Variants in TBC1D15 observed in about 807,000 individuals in gnomAD.
The protein encoded by TBC1D15 is GAP for RAB7.
TBC1D15 carries 39 observed loss-of-function variants against 95.4 expected under a neutral mutation model. The ratio of observed to expected loss-of-function variants is 0.41; its 90% confidence interval spans 0.32 to 0.53. The LOEUF (loss-of-function observed/expected upper bound fraction) is 0.53. Among genes scored for constraint, TBC1D15 ranks in the 20% least tolerant of loss-of-function variants. The probability of loss-of-function intolerance (pLI) is 0.29; values close to 1 mark genes in which losing one functional copy is unlikely to be tolerated. For synonymous variants in TBC1D15, 258 were observed against 261.3 expected (o/e 0.99, Z 0.12); for missense variants, 733 against 794.3 (o/e 0.92, Z 0.93).
At chr12:71,897,672 CTTT>C (rs1442926760) in intron 9 of TBC1D15, among the ~76,000 whole-genome samples, 172 bp from the exon 10 acceptor site, 2 of 151,756 alleles carry the variant, frequency 1.3e-5, no homozygotes, top group Non-Finnish European at 3.0e-5. Context: ...TTATTTTTTT[CTTT>C]TGTTTTCACT....
intron 1 of TBC1D15, among the ~76,000 whole-genome samples, chr12:71,852,973 A>G (rs1468684102): frequency 6.6e-6 from 1 of 152,204 alleles, no homozygotes; most frequent in African/African-American, 2.4e-5. Context: ...AGGTGTTTTT[A>G]TAGCAATGCC....
chr12:71,844,882 T>G (rs994943417), intron 1 of TBC1D15, among the ~76,000 whole-genome samples: 1 of 152,230 alleles, frequency 6.6e-6, no homozygotes, highest in African/African-American at 2.4e-5. Flanking sequence ...GTGTGTGTTT[T>G]TGCCACTGAC....
rs550327882 is a variant in TBC1D15 at position 71,879,885 on chromosome 12, T to C, written c.205-584T>C. Among the ~76,000 whole-genome samples the C allele has an allele frequency of 7.9e-5, 12 of 152,354 alleles. No homozygotes were observed. The South Asian group carries it at 1.0e-3, about 13-fold the overall frequency. ...ATCTTTAGCTAATATATGGTGTCTT[T>C]TGTTGTATAGAAATTAAATTTTTGA... is the stretch of plus-strand genomic sequence containing the variant. On this transcript the variant is annotated intron_variant, in intron 3 of 16. Transcript: ENST00000485960.
At chr12:71,893,120 G>GTT (rs77560730) in intron 5 of TBC1D15, 102 bp from the exon 6 acceptor site, 29,507 of 456,096 alleles carry the variant, frequency 0.065, 1,026 homozygotes, top group African/African-American at 0.15. Context: ...AATATTTTGG[G>GTT]TTTTTTTTTT....
At chr12:71,887,920 TTA>T in intron 5 of TBC1D15, among the ~76,000 whole-genome samples, 1 of 152,350 alleles carries the variant, frequency 6.6e-6, no homozygotes, top group Non-Finnish European at 1.5e-5. Context: ...GGCATGATGA[TTA>T]TCAATTTGAC....
chr12:71,871,297 G>A (rs1028820921), intron 1 of TBC1D15, among the ~76,000 whole-genome samples: 1 of 152,046 alleles, frequency 6.6e-6, no homozygotes, highest in African/African-American at 2.4e-5. Context: ...TTAATATTGT[G>A]AAATTGAGTT....
chr12:71,892,473 C>T (rs1047917280), intron 5 of TBC1D15, among the ~76,000 whole-genome samples: 1 of 151,852 alleles, frequency 6.6e-6, no homozygotes, highest in Admixed American at 6.6e-5. Context: ...TCATAAAACT[C>T]ACTAAATAGA....
chr12:71,863,174 C>G (rs563140249), intron 1 of TBC1D15, among the ~76,000 whole-genome samples: 2 of 152,034 alleles, frequency 1.3e-5, no homozygotes, highest in African/African-American at 2.4e-5. Context: ...GTCAGGAGAT[C>G]GAGACCATCC....
chr12:71,858,308 G>A (rs781441478), intron 1 of TBC1D15, among the ~76,000 whole-genome samples: 5 of 152,034 alleles, frequency 3.3e-5, no homozygotes, highest in African/African-American at 7.2e-5. Flanking sequence ...CCGACCTCAA[G>A]TGATCTGCCC....
chr12:71,845,963 G>T (rs974257078), intron 1 of TBC1D15, among the ~76,000 whole-genome samples: 12 of 151,306 alleles, frequency 7.9e-5, no homozygotes. Context: ...AATTACTACT[G>T]TATTGTGAAA....
chr12:71,850,873 A>G (rs1887625181), intron 1 of TBC1D15, among the ~76,000 whole-genome samples: 2 of 150,580 alleles, frequency 1.3e-5, no homozygotes, highest in African/African-American at 4.9e-5. Flanking sequence ...TATAGTCCCA[A>G]CTACTTGGGA....
At position 71,907,034 on chromosome 12, in the gene TBC1D15, A is replaced by G; in HGVS notation, c.1196A>G (p.Asn399Ser). ...TTTTCCTCTTCAGAAAAAGATGTTAACAGAACAGATCGAACAAACAAGTTT... is the reference window on the plus strand; with the variant it reads ...TTTTCCTCTTCAGAAAAAGATGTTAGCAGAACAGATCGAACAAACAAGTTT... ...DYRSLIEKDV[N>S]RTDRTNKFYE... is the part of the protein sequence containing the mutation. Residue 399 changes from asparagine (N) to serine (S), a missense_variant, in exon 11 of 17, where the codon AAC (asparagine) becomes AGC (serine). Physicochemically the swap from Asn to Ser is conservative, Grantham distance 46. Transcript: ENST00000485960. 1 of 1,603,262 alleles carries G rather than the reference A, an allele frequency of 6.2e-7. No individual in the cohort carries two copies. The highest frequency in any genetic ancestry group is 8.5e-7 in the Non-Finnish European group (1 of 1,175,992).
At chr12:71,844,461 T>C (rs1885828762) in intron 1 of TBC1D15, among the ~76,000 whole-genome samples, 1 of 152,244 alleles carries the variant, frequency 6.6e-6, no homozygotes, top group Admixed American at 6.5e-5. Flanking sequence ...TCTGCTTCCC[T>C]ATACCCTCTA....
Position 71,896,738 on chromosome 12 carries a change from A to G in TBC1D15, c.1046A>G (p.Asp349Gly). 1.9e-6 allele frequency: 3 copies of G among 1,613,146 alleles called. No homozygotes were observed. The South Asian group carries it at 3.3e-5, about 18-fold the overall frequency. The change falls in exon 9 of 17, where the codon GAC becomes GGC. Residue 349 changes from aspartate to glycine, a missense_variant. Physicochemically the swap from Asp to Gly is moderately conservative, Grantham distance 94. Transcript: ENST00000485960. ...WKFLLGYFPWDSTKEERTQLQ... is the reference protein window; with the variant it reads ...WKFLLGYFPWGSTKEERTQLQ... ...TTTCTTCTGGGTTATTTTCCCTGGGACAGTACCAAGGAGGAAAGAACCCAA... is the reference window on the plus strand; with the variant it reads ...TTTCTTCTGGGTTATTTTCCCTGGGGCAGTACCAAGGAGGAAAGAACCCAA...
At chr12:71,870,864 A>G (rs1346115029) in intron 1 of TBC1D15, among the ~76,000 whole-genome samples, 5 of 152,192 alleles carry the variant, frequency 3.3e-5, no homozygotes, top group African/African-American at 1.2e-4. Flanking sequence ...AAACAGGAAG[A>G]TACATACCTA....
intron 16 of TBC1D15, among the ~76,000 whole-genome samples, chr12:71,922,108 A>T (rs1869602837): frequency 6.6e-6 from 1 of 151,800 alleles, no homozygotes; most frequent in Non-Finnish European, 1.5e-5. Context: ...TTTTTGAGAC[A>T]GAGTCTTGTT....
chr12:71,900,203 T>C (rs1051051137), intron 10 of TBC1D15, among the ~76,000 whole-genome samples: 1 of 152,104 alleles, frequency 6.6e-6, no homozygotes, highest in African/African-American at 2.4e-5. Flanking sequence ...ACAAATGGAA[T>C]GTCAAGTAGG....
chr12:71,903,810 A>T (rs1900020563), intron 10 of TBC1D15, among the ~76,000 whole-genome samples: 1 of 151,904 alleles, frequency 6.6e-6, no homozygotes, highest in Non-Finnish European at 1.5e-5. Context: ...CATTAAGCAC[A>T]CGTGGACACA....
intron 1 of TBC1D15, among the ~76,000 whole-genome samples, chr12:71,864,721 G>A (rs1291460156): frequency 6.6e-6 from 1 of 151,978 alleles, no homozygotes; most frequent in Non-Finnish European, 1.5e-5. Flanking sequence ...TGGCCAGGGT[G>A]GTCTTGAACT....
Sources: allele counts gnomAD v4.1 joint callset (sites outside exome capture counted in the v4.1 genomes callset), GRCh38; gene constraint gnomAD v4.1.1; transcripts MANE v1.5; gene names NCBI Gene and HGNC (gene_info 2026-07-23, HGNC 2026-07-21).